The following BANK1 variants were observed in gnomAD, a reference collection of about 807,000 sequenced individuals.
BANK1 encodes B-cell scaffold protein with ankyrin repeats.
BANK1 carries 95 observed loss-of-function variants against 94.5 expected under a neutral mutation model. The ratio of observed to expected loss-of-function variants is 1.00; its 90% CI spans 0.85 to 1.19. The LOEUF is 1.19. Among genes scored for constraint, BANK1 ranks in the 50% most tolerant of loss-of-function variants. The pLI is 0.00. For synonymous variants in BANK1, 334 were observed against 308.4 expected (o/e 1.08, Z -0.87); for missense variants, 987 against 932.2 (o/e 1.06, Z -0.77).
At chr4:101,948,218 A>T (rs1356709800) in intron 7 of BANK1, among the ~76,000 whole-genome samples, 1 of 152,068 alleles carries the variant, frequency 6.6e-6, no homozygotes, top group African/African-American at 2.4e-5. Flanking sequence ...ATAATTTTTA[A>T]ATTGTAGTAA....
At chr4:102,019,563 G>A (rs1726819748) in intron 7 of BANK1, among the ~76,000 whole-genome samples, 1 of 152,160 alleles carries the variant, frequency 6.6e-6, no homozygotes, top group South Asian at 2.1e-4. Context: ...TGATAGAGCT[G>A]CGATTTGTAC....
chr4:101,855,237 G>A (rs951093474), intron 3 of BANK1, 48 bp downstream of exon 3: 1 of 1,541,144 alleles, frequency 6.5e-7, no homozygotes, highest in Non-Finnish European at 8.8e-7. Context: ...GTGTTATGGT[G>A]GTGGTGGTGG....
intron 10 of BANK1, among the ~76,000 whole-genome samples, chr4:102,038,482 C>G (rs1727595558): frequency 6.6e-6 from 1 of 152,032 alleles, no homozygotes; most frequent in African/African-American, 2.4e-5. Context: ...ATAGATGATC[C>G]CAAATGAAGT....
At position 101,902,635 on chromosome 4, in the gene BANK1, A is replaced by G. The variant is rs558548661; in HGVS notation, c.1009+7225A>G. On this transcript the variant is annotated intron_variant, in intron 6 of 16. Transcript: ENST00000322953. ...CTAATGGTATCTTTTATAATTGTCCATTTATATACTTTTTTACATCTTTGA... is the reference window on the plus strand; with the variant it reads ...CTAATGGTATCTTTTATAATTGTCCGTTTATATACTTTTTTACATCTTTGA... Among the ~76,000 whole-genome samples the G allele has an allele frequency of 3.2e-4, 49 of 152,290 alleles. 1 individual carries two copies. The South Asian group carries it at 4.6e-3, about 14-fold the overall frequency.
At chr4:101,805,339 T>C (rs1226251934) in intron 1 of BANK1, among the ~76,000 whole-genome samples, 5 of 152,140 alleles carry the variant, frequency 3.3e-5, no homozygotes, top group East Asian at 1.9e-4. Context: ...ACAGGACATA[T>C]AGAAAACAAC....
At chr4:101,912,130 T>G (rs1179541983) in intron 6 of BANK1, among the ~76,000 whole-genome samples, 1 of 152,108 alleles carries the variant, frequency 6.6e-6, no homozygotes, top group Non-Finnish European at 1.5e-5. Flanking sequence ...CTTAGGAAAC[T>G]TCCTCTTACT....
At chr4:101,863,497 CAA>C (rs1314342429) in intron 4 of BANK1, among the ~76,000 whole-genome samples, 1 of 151,972 alleles carries the variant, frequency 6.6e-6, no homozygotes, top group Non-Finnish European at 1.5e-5. Context: ...AAGATCATGT[CAA>C]ACACATTTTG....
rs772867607 is a variant in BANK1, at chr4:101,870,588, G to A, written c.847G>A (p.Ala283Thr). 2.5e-6 allele frequency: 4 copies of A among 1,612,696 alleles called. No individual in the cohort carries two copies. In the East Asian group the frequency reaches 6.7e-5, roughly 27 times the overall value. Residue 283 changes from alanine to threonine, a missense_variant, in exon 5 of 17, where the codon GCA becomes ACA. Coordinates refer to ENST00000322953, the MANE Select transcript of BANK1 (RefSeq NM_017935.5). ...AACCAAAATTAAGTACTACCCAACA[G>A]CAAAGGCAAAGGAATGCCTATTCAG... ...ATTKIKYYPT[A>T]KAKECLFRMA...
intron 2 of BANK1, among the ~76,000 whole-genome samples, chr4:101,844,425 G>T (rs946006040): frequency 6.6e-6 from 1 of 152,208 alleles, no homozygotes; most frequent in Non-Finnish European, 1.5e-5. Context: ...GGCAAACCAG[G>T]TGGGTCATGA....
intron 7 of BANK1, among the ~76,000 whole-genome samples, chr4:102,000,003 A>G (rs1302907152): frequency 6.6e-6 from 1 of 152,214 alleles, no homozygotes; most frequent in East Asian, 1.9e-4. Flanking sequence ...AGAATATACT[A>G]TCCAAACCTA....
At chr4:101,854,932 C>T (rs1578358967) in intron 2 of BANK1, 103 bp from the exon 3 acceptor site, 1 of 835,276 alleles carries the variant, frequency 1.2e-6, no homozygotes, top group South Asian at 2.0e-5. Context: ...AGTTCGGTTT[C>T]CCGTATATTA....
intron 1 of BANK1, among the ~76,000 whole-genome samples, chr4:101,805,016 A>G (rs903977233): frequency 2.6e-5 from 4 of 152,232 alleles, no homozygotes; most frequent in African/African-American, 9.6e-5. Context: ...TTCACATGTT[A>G]GACTATATAA....
intron 5 of BANK1, among the ~76,000 whole-genome samples, chr4:101,879,661 C>A (rs1728608216): frequency 6.6e-6 from 1 of 152,062 alleles, no homozygotes; most frequent in South Asian, 2.1e-4. Context: ...AGGCCAATAT[C>A]TTTGATGAAT....
chr4:101,865,673 C>T (rs1021527420), intron 4 of BANK1, among the ~76,000 whole-genome samples: 2 of 152,062 alleles, frequency 1.3e-5, no homozygotes, highest in African/African-American at 2.4e-5. Context: ...AAAGTCACAA[C>T]GAAGAGTCAC....
chr4:101,889,460 C>T lies in BANK1; in HGVS notation c.904-5845C>T, dbSNP rs374255788. ...AAAAATACAAAAAATTAGCCGGGCGCGGTGGCGGGCGCCTGTAGTCCCAGC... is the reference window on the plus strand; with the variant it reads ...AAAAATACAAAAAATTAGCCGGGCGTGGTGGCGGGCGCCTGTAGTCCCAGC... On this transcript the variant is annotated intron_variant, in intron 5 of 16. Coordinates refer to ENST00000322953, the MANE Select transcript of BANK1 (RefSeq NM_017935.5). Among the ~76,000 whole-genome samples, 3 of 151,226 alleles carry T rather than the reference C, an allele frequency of 2.0e-5. No individual in the cohort carries two copies. In the South Asian group the frequency reaches 6.3e-4, roughly 32 times the overall value.
intron 3 of BANK1, among the ~76,000 whole-genome samples, chr4:101,856,491 T>C (rs929304647): frequency 9.2e-5 from 14 of 152,048 alleles, no homozygotes; most frequent in African/African-American, 2.4e-5. Flanking sequence ...TGGCAACTAC[T>C]CTCAAGTAGA....
At chr4:101,915,108 G>A (rs1722786157) in intron 6 of BANK1, among the ~76,000 whole-genome samples, 1 of 152,044 alleles carries the variant, frequency 6.6e-6, no homozygotes, top group Non-Finnish European at 1.5e-5. Context: ...TGCACAAACA[G>A]AATTCCCAAA....
intron 7 of BANK1, among the ~76,000 whole-genome samples, chr4:101,919,246 CTT>C (rs1268861556): frequency 6.6e-6 from 1 of 151,870 alleles, no homozygotes; most frequent in Non-Finnish European, 1.5e-5. Context: ...CAACTCTAGT[CTT>C]TAATTTTTAG....
At chr4:101,807,086 C>T (rs191514629) in intron 1 of BANK1, among the ~76,000 whole-genome samples, 1 of 152,142 alleles carries the variant, frequency 6.6e-6, no homozygotes, top group Non-Finnish European at 1.5e-5. Flanking sequence ...AACTGCTGTT[C>T]CAGAAAATCA....
Sources: gnomAD v4.1 joint callset for allele counts (sites outside exome capture counted in the v4.1 genomes callset) on GRCh38, gnomAD v4.1.1 for gene constraint, MANE v1.5 for transcripts, NCBI Gene and HGNC (gene_info 2026-07-23, HGNC 2026-07-21) for gene names.